Variants in DPP6 observed in about 807,000 individuals in gnomAD.
DPP6 encodes the protein A-type potassium channel modulatory protein DPP6.
In DPP6, 69 loss-of-function variants were observed where a neutral mutation model predicts 122.6. That is an observed-to-expected ratio of 0.56 (90% confidence interval 0.46 to 0.69). The LOEUF is 0.69. Ranked by LOEUF, DPP6 falls within the 30% of genes least tolerant of loss-of-function variation. DPP6 has a pLI of 0.00. For missense variants in DPP6, 928 were observed against 1,116.9 expected, an observed-to-expected ratio of 0.83 and a Z score of 2.41; for synonymous variants, 418 against 433.1, an observed-to-expected ratio of 0.97 and a Z score of 0.43.
chr7:154,482,853 T>TGTC (rs138808863), intron 3 of DPP6, among the ~76,000 whole-genome samples: 101 of 152,206 alleles, frequency 6.6e-4, no homozygotes, highest in African/African-American at 2.1e-3. Flanking sequence ...AAGAGAGCAC[T>TGTC]GTCAAGGCTG....
At chr7:154,082,835 C>G (rs1477932841) in intron 1 of DPP6, among the ~76,000 whole-genome samples, 1 of 111,886 alleles carries the variant, frequency 8.9e-6, no homozygotes, top group Non-Finnish European at 1.8e-5. Context: ...GTGTGCCTAT[C>G]TTTTCTTTTT....
chr7:154,008,127 A>G (rs902221589), intron 1 of DPP6, among the ~76,000 whole-genome samples: 2 of 152,114 alleles, frequency 1.3e-5, no homozygotes, highest in Non-Finnish European at 1.5e-5. Flanking sequence ...CTGACATTGT[A>G]TTGTTGCAAC....
chr7:154,426,391 G>A (rs1365764489), intron 1 of DPP6, among the ~76,000 whole-genome samples: 5 of 152,292 alleles, frequency 3.3e-5, no homozygotes, highest in South Asian at 2.1e-4. Flanking sequence ...GGTTGAGGAC[G>A]TACTAAATAC....
intron 1 of DPP6, among the ~76,000 whole-genome samples, chr7:154,249,650 G>C (rs1802221796): frequency 1.3e-5 from 2 of 152,148 alleles, no homozygotes; most frequent in Non-Finnish European, 2.9e-5. Context: ...CCAGGTAAAA[G>C]TATGCTACTC....
intron 1 of DPP6, among the ~76,000 whole-genome samples, chr7:154,154,532 A>G (rs543699393): frequency 6.6e-6 from 1 of 152,274 alleles, no homozygotes; most frequent in East Asian, 1.9e-4. Context: ...ACAGCCCACC[A>G]ATTTACTCCC....
intron 1 of DPP6, among the ~76,000 whole-genome samples, chr7:153,934,353 A>G (rs1801326489): frequency 6.6e-6 from 1 of 151,000 alleles, no homozygotes; most frequent in African/African-American, 2.4e-5. Context: ...TTTTTTTTCC[A>G]TCAAGGCTGT....
intron 1 of DPP6, among the ~76,000 whole-genome samples, chr7:154,287,247 G>C (rs1804914962): frequency 6.6e-6 from 1 of 152,232 alleles, no homozygotes; most frequent in African/African-American, 2.4e-5. Flanking sequence ...GTTAATGCCA[G>C]GGTTCACATG....
chr7:153,758,770 A>G, the DPP6 span, among the ~76,000 whole-genome samples: 1 of 151,276 alleles, frequency 6.6e-6, no homozygotes, highest in Non-Finnish European at 1.5e-5. Flanking sequence ...ATCTATTCAC[A>G]TGTTGATGGA....
the DPP6 span, among the ~76,000 whole-genome samples, chr7:153,793,791 G>A: frequency 2.0e-5 from 3 of 152,016 alleles, no homozygotes; most frequent in Non-Finnish European, 2.9e-5. Context: ...AAGGGTCCCT[G>A]TACTGTGTGC....
Position 154,481,828 on chromosome 7 carries a change from T to A in DPP6, c.457+6791T>A, listed in dbSNP as rs1233814397. The stretch of plus-strand genomic sequence containing the variant: ...CACATTGACTCTTCTGGTTTTGGAT[T>A]CTCCTATATCCTGCACTGACCCTTT... On this transcript the variant is annotated intron_variant, in intron 3 of 25. Transcript: ENST00000377770. The surrounding 1 kb of genome is among the most constrained non-coding windows in gnomAD (Gnocchi z 4.2). 6.6e-6 allele frequency among the ~76,000 whole-genome samples: 1 copy of A among 152,150 alleles called. No homozygotes were observed. The highest frequency in any genetic ancestry group is 2.4e-5 in the African/African-American group (1 of 41,450).
intron 7 of DPP6, among the ~76,000 whole-genome samples, chr7:154,721,826 G>A (rs368398924): frequency 2.6e-5 from 4 of 152,030 alleles, no homozygotes; most frequent in Non-Finnish European, 4.4e-5. Context: ...ACTGTTTTAC[G>A]TACTTTGAGT....
At chr7:153,924,290 G>A (rs1800787553) in intron 1 of DPP6, among the ~76,000 whole-genome samples, 1 of 151,996 alleles carries the variant, frequency 6.6e-6, no homozygotes, top group African/African-American at 2.4e-5. Context: ...TTGTATTTTA[G>A]TAGAGACGAG....
At chr7:154,293,483 C>T (rs1805337626) in intron 1 of DPP6, among the ~76,000 whole-genome samples, 1 of 152,068 alleles carries the variant, frequency 6.6e-6, no homozygotes, top group Non-Finnish European at 1.5e-5. Flanking sequence ...AAATGGAGCC[C>T]CAAGTTCTAG....
intron 16 of DPP6, among the ~76,000 whole-genome samples, chr7:154,846,553 A>G (rs1055156208): frequency 1.3e-5 from 2 of 152,236 alleles, no homozygotes; most frequent in Non-Finnish European, 2.9e-5. Context: ...AGATTATTTC[A>G]TGAACGTTGA....
chr7:154,836,535 A>G (rs924756841), intron 16 of DPP6, among the ~76,000 whole-genome samples: 4 of 152,234 alleles, frequency 2.6e-5, no homozygotes, highest in African/African-American at 9.6e-5. Context: ...TCCACAGAGC[A>G]TTCATTATGT....
At chr7:154,465,393 A>C (rs1821695121) in intron 2 of DPP6, among the ~76,000 whole-genome samples, 1 of 152,234 alleles carries the variant, frequency 6.6e-6, no homozygotes, top group African/African-American at 2.4e-5. Flanking sequence ...TCTGCACAAC[A>C]AAAGAAACTA....
chr7:154,767,848 G>A (rs534270141), intron 8 of DPP6, among the ~76,000 whole-genome samples: 147 of 152,264 alleles, frequency 9.7e-4, no homozygotes, highest in Admixed American at 2.5e-3. Flanking sequence ...CTACTGAGAT[G>A]TTCAGGAGTC....
chr7:154,256,529 C>T (rs1264274315), intron 1 of DPP6, among the ~76,000 whole-genome samples: 1 of 152,244 alleles, frequency 6.6e-6, no homozygotes, highest in Non-Finnish European at 1.5e-5. Context: ...CCAGAGCTCA[C>T]CCACCTATCT....
intron 1 of DPP6, among the ~76,000 whole-genome samples, chr7:154,139,032 C>T (rs1206978621): frequency 1.3e-5 from 2 of 151,944 alleles, no homozygotes; most frequent in African/African-American, 4.8e-5. Context: ...TAGGTGTGGC[C>T]AGACTCAGAG....
Sources: allele counts gnomAD v4.1 joint callset (sites outside exome capture counted in the v4.1 genomes callset), GRCh38; gene constraint gnomAD v4.1.1; non-coding constraint Gnocchi (gnomAD v3.1); transcripts MANE v1.5; gene names NCBI Gene and HGNC (gene_info 2026-07-23, HGNC 2026-07-21).